Variants in TMEM170B observed in about 807,000 individuals in gnomAD.
The protein encoded by TMEM170B is transmembrane protein 170B.
In TMEM170B, 6 loss-of-function variants were observed where a neutral mutation model predicts 13.0. The observed-to-expected ratio is 0.46, with a 90% CI of 0.25 to 0.91. The LOEUF (loss-of-function observed/expected upper bound fraction) is 0.91, where lower values mean the gene tolerates loss of function less well. Ranked by LOEUF, TMEM170B falls within the 40% of genes least tolerant of loss-of-function variation. The probability of loss-of-function intolerance (pLI) is 0.17; values close to 1 mark genes in which losing one functional copy is unlikely to be tolerated. For missense variants in TMEM170B, 138 were observed against 165.2 expected, an observed-to-expected ratio of 0.84 and a Z score of 0.90; for synonymous variants, 61 against 64.9, an observed-to-expected ratio of 0.94 and a Z score of 0.29.
intron 2 of TMEM170B, among the ~76,000 whole-genome samples, chr6:11,574,194 G>A (rs1249085934): frequency 6.6e-6 from 1 of 151,746 alleles, no homozygotes; most frequent in Non-Finnish European, 1.5e-5. Context: ...CTGAGGGGGT[G>A]GTATGATATT....
At chr6:11,557,916 A>G (rs941838297) in intron 1 of TMEM170B, among the ~76,000 whole-genome samples, 6 of 151,930 alleles carry the variant, frequency 3.9e-5, no homozygotes, top group African/African-American at 1.5e-4. Context: ...TATCATTACT[A>G]TTTTTTTTAA....
intron 2 of TMEM170B, among the ~76,000 whole-genome samples, chr6:11,571,287 G>A (rs1759798236): frequency 6.6e-6 from 1 of 151,650 alleles, no homozygotes; most frequent in Non-Finnish European, 1.5e-5. Context: ...CTGAGCTCCA[G>A]TGATCCTCCC....
chr6:11,546,012 TAAAAAAAAAAAAAA>T (rs35584418), intron 1 of TMEM170B, among the ~76,000 whole-genome samples: 2 of 95,562 alleles, frequency 2.1e-5, no homozygotes, highest in Non-Finnish European at 4.0e-5. Context: ...ACTCCGTCTT[TAAAAAAAAAAAAAA>T]AAAAAAAAAG....
At chr6:11,569,615 C>T (rs985999449) in intron 2 of TMEM170B, among the ~76,000 whole-genome samples, 4 of 152,048 alleles carry the variant, frequency 2.6e-5, no homozygotes, top group African/African-American at 4.8e-5. Context: ...TTCAGTAAAA[C>T]GTTATTTCTA....
intron 2 of TMEM170B, among the ~76,000 whole-genome samples, chr6:11,571,939 A>G (rs879916433): frequency 1.3e-5 from 2 of 152,320 alleles, no homozygotes; most frequent in Admixed American, 6.5e-5. Context: ...GAGAAACTCA[A>G]TCACATTAAT....
At chr6:11,553,758 C>A (rs1044321141) in intron 1 of TMEM170B, among the ~76,000 whole-genome samples, 5 of 152,136 alleles carry the variant, frequency 3.3e-5, no homozygotes, top group African/African-American at 1.2e-4. Context: ...AAGCAACTTT[C>A]TTTTTCAAGT....
intron 1 of TMEM170B, among the ~76,000 whole-genome samples, chr6:11,557,916 AT>A (rs909603012): frequency 1.4e-4 from 21 of 151,928 alleles, no homozygotes; most frequent in African/African-American, 4.8e-4. Context: ...TATCATTACT[AT>A]TTTTTTTAAA....
At chr6:11,541,395 G>A (rs1759359125) in intron 1 of TMEM170B, among the ~76,000 whole-genome samples, 1 of 152,132 alleles carries the variant, frequency 6.6e-6, no homozygotes, top group South Asian at 2.1e-4. Context: ...ATGTTATAGA[G>A]GTGTCTTTTG....
At chr6:11,545,557 G>A (rs1252644269) in intron 1 of TMEM170B, among the ~76,000 whole-genome samples, 1 of 151,834 alleles carries the variant, frequency 6.6e-6, no homozygotes, top group Non-Finnish European at 1.5e-5. Context: ...AGCGCAACAC[G>A]TTACTCACGT....
At chr6:11,547,464 GC>G (rs1295255873) in intron 1 of TMEM170B, among the ~76,000 whole-genome samples, 4 of 152,106 alleles carry the variant, frequency 2.6e-5, no homozygotes, top group Non-Finnish European at 4.4e-5. Flanking sequence ...TTGTAAATGT[GC>G]CCTAAAGATA....
chr6:11,569,967 T>C (rs938866681), intron 2 of TMEM170B, among the ~76,000 whole-genome samples: 1 of 152,134 alleles, frequency 6.6e-6, no homozygotes, highest in African/African-American at 2.4e-5. Context: ...GTCCCTCTTG[T>C]TACTTTCCTT....
At chr6:11,570,670 A>G (rs34175766) in intron 2 of TMEM170B, among the ~76,000 whole-genome samples, 3,957 of 152,264 alleles carry the variant, frequency 0.026, 61 homozygotes, top group Non-Finnish European at 0.034. Flanking sequence ...CCAAACTTTC[A>G]AGAACAACTA....
chr6:11,562,657 C>T (rs566989662), intron 1 of TMEM170B, among the ~76,000 whole-genome samples: 1 of 152,074 alleles, frequency 6.6e-6, no homozygotes, highest in African/African-American at 2.4e-5. Flanking sequence ...TACCCTTTAT[C>T]CAGTTTACCC....
chr6:11,555,325 A>G (rs1467609599), intron 1 of TMEM170B, among the ~76,000 whole-genome samples: 1 of 151,378 alleles, frequency 6.6e-6, no homozygotes, highest in African/African-American at 2.4e-5. Flanking sequence ...TTTTCCCTTT[A>G]TCTTTGGTTT....
intron 1 of TMEM170B, among the ~76,000 whole-genome samples, chr6:11,548,061 A>G (rs1043171804): frequency 6.6e-6 from 1 of 152,198 alleles, no homozygotes; most frequent in African/African-American, 2.4e-5. Context: ...AATTGGCAAC[A>G]AAAGCCAAAA....
intron 1 of TMEM170B, 36 bp downstream of exon 1, chr6:11,538,410 G>A (rs1177501989): frequency 7.0e-7 from 1 of 1,428,540 alleles, no homozygotes; most frequent in Non-Finnish European, 9.4e-7. Flanking sequence ...CGGGGATGCG[G>A]TCCGCCCCTC....
chr6:11,565,757 G>A lies in TMEM170B; in HGVS notation c.189G>A (p.Arg63=). 6.2e-7 allele frequency: 1 copy of A among 1,614,158 alleles called. No homozygotes were observed. Among genetic ancestry groups the A allele is most frequent in the South Asian group, 1.1e-5 (1 of 91,084 alleles). The change falls in exon 2 of 3, where the codon AGG becomes AGA. Residue 63 remains arginine (R), a synonymous_variant. Transcript: ENST00000379426. ...AGVLMFVMLQ[R]HRQGRVISVI... ...TGTTGATGTTTGTGATGCTGCAGAGGCATAGGCAGGGAAGAGTCATCTCTG... is the reference window on the plus strand; with the variant it reads ...TGTTGATGTTTGTGATGCTGCAGAGACATAGGCAGGGAAGAGTCATCTCTG...
chr6:11,544,925 C>G (rs1759412151), intron 1 of TMEM170B, among the ~76,000 whole-genome samples: 1 of 151,780 alleles, frequency 6.6e-6, no homozygotes, highest in Non-Finnish European at 1.5e-5. Context: ...GGTAACTTGA[C>G]TTTTAAAAAA....
Position 11,577,893 on chromosome 6 carries a change from C to T in TMEM170B, c.*2332C>T, listed in dbSNP as rs1299967411. Reference sequence around the variant, plus strand: ...CCATTGAGATTTTGTGCAACTGTCTCTCTTTTGATGTTTTGAGATGCAGTT... The same window carrying T: ...CCATTGAGATTTTGTGCAACTGTCTTTCTTTTGATGTTTTGAGATGCAGTT... On this transcript the variant is annotated 3_prime_UTR_variant, in exon 3 of 3. Coordinates refer to ENST00000379426, the MANE Select transcript of TMEM170B (RefSeq NM_001100829.3). 1 of 152,014 alleles carries T rather than the reference C, an allele frequency of 6.6e-6. No individual in the cohort carries two copies. Among genetic ancestry groups the T allele is most frequent in the Non-Finnish European group, 1.5e-5 (1 of 67,950 alleles). 9.4% of individuals were successfully genotyped at this position (152,014 alleles called of 1,614,324 possible).
Sources: allele counts gnomAD v4.1 joint callset (sites outside exome capture counted in the v4.1 genomes callset), GRCh38; gene constraint gnomAD v4.1.1; transcripts MANE v1.5; gene names NCBI Gene and HGNC (gene_info 2026-07-23, HGNC 2026-07-21).